TNIK: variants seen among roughly 807,000 people sequenced by gnomAD.
TNIK encodes the protein TRAF2 and NCK interacting kinase.
A neutral mutation model predicts 191.3 loss-of-function variants in TNIK; 49 were observed. The ratio of observed to expected loss-of-function variants is 0.26; its 90% CI spans 0.20 to 0.32. The LOEUF is 0.32. Ranked by LOEUF, TNIK falls within the 10% of genes least tolerant of loss-of-function variation. TNIK has a pLI of 1.00. For missense variants in TNIK, 1,155 were observed against 1,702.3 expected, an observed-to-expected ratio of 0.68 and a Z score of 5.66; for synonymous variants, 594 against 600.9, an observed-to-expected ratio of 0.99 and a Z score of 0.17.
chr3:171,211,310 C>A, intron 3 of TNIK, 69 bp from the exon 4 acceptor site: 1 of 1,506,394 alleles, frequency 6.6e-7, no homozygotes, highest in Non-Finnish European at 8.9e-7. Context: ...TGTTCTTCAA[C>A]ACCATCTAAA....
At chr3:171,390,006 T>A (rs1476672474) in intron 1 of TNIK, among the ~76,000 whole-genome samples, 1 of 152,104 alleles carries the variant, frequency 6.6e-6, no homozygotes, top group Non-Finnish European at 1.5e-5. Flanking sequence ...TGCAAATACA[T>A]CTTGATTGGT....
At position 171,182,998 on chromosome 3, in the gene TNIK, A is replaced by G. The variant is rs141299880; in HGVS notation, c.640-5618T>C. On this transcript the variant is annotated intron_variant, in intron 7 of 32. Transcript: ENST00000436636. ...GCAAAAAGTGCCTAATATACAATGC[A>G]GTACATGCTGCATTGGGTATTCAAC... 8.5e-5 allele frequency among the ~76,000 whole-genome samples: 13 copies of G among 152,360 alleles called. No homozygotes were observed. In the East Asian group the frequency reaches 2.5e-3, roughly 29 times the overall value.
chr3:171,070,176 C>T (rs892314549), intron 29 of TNIK, among the ~76,000 whole-genome samples: 1 of 152,134 alleles, frequency 6.6e-6, no homozygotes, highest in Non-Finnish European at 1.5e-5. Context: ...TAATGCATTC[C>T]AATTTTTTTC....
intron 1 of TNIK, among the ~76,000 whole-genome samples, chr3:171,408,290 C>CA (rs952002504): frequency 5.3e-5 from 8 of 151,474 alleles, no homozygotes; most frequent in African/African-American, 1.9e-4. Context: ...GAAAATTTTG[C>CA]AAAAAAGGAT....
intron 2 of TNIK, among the ~76,000 whole-genome samples, chr3:171,328,325 AG>A (rs1457724028): frequency 6.6e-6 from 1 of 152,210 alleles, no homozygotes; most frequent in Admixed American, 6.5e-5. Flanking sequence ...GTGGCAAGTA[AG>A]GGTTTGTTAT....
intron 1 of TNIK, among the ~76,000 whole-genome samples, chr3:171,424,964 C>T (rs1467730034): frequency 7.8e-6 from 1 of 127,680 alleles, no homozygotes; most frequent in Non-Finnish European, 1.6e-5. Context: ...GCACATGTAC[C>T]CTAAAACTTA....
chr3:171,138,581 T>C (rs1730358820), intron 14 of TNIK, among the ~76,000 whole-genome samples: 1 of 152,154 alleles, frequency 6.6e-6, no homozygotes, highest in African/African-American at 2.4e-5. Flanking sequence ...CAAGAATGTG[T>C]CATTTAATGA....
chr3:171,432,196 C>T (rs1381322051), intron 1 of TNIK, among the ~76,000 whole-genome samples: 1 of 152,090 alleles, frequency 6.6e-6, no homozygotes, highest in East Asian at 1.9e-4. Context: ...GGAGGCAATA[C>T]AGAACACAAT....
At chr3:171,229,137 A>C (rs981250176) in intron 2 of TNIK, among the ~76,000 whole-genome samples, 6 of 152,202 alleles carry the variant, frequency 3.9e-5, no homozygotes, top group Non-Finnish European at 1.5e-5. Context: ...TGAAATAATA[A>C]TAATACCTAA....
chr3:171,175,195 T>G (rs775292553), intron 9 of TNIK, 57 bp downstream of exon 9: 68 of 1,529,000 alleles, frequency 4.4e-5, no homozygotes, highest in Non-Finnish European at 5.8e-5. Flanking sequence ...TAATCCAAAA[T>G]AGAATCACAA....
intron 4 of TNIK, among the ~76,000 whole-genome samples, chr3:171,210,526 A>G (rs972769640): frequency 1.3e-5 from 2 of 152,184 alleles, no homozygotes; most frequent in Non-Finnish European, 2.9e-5. Flanking sequence ...CATGAAAGGA[A>G]AACAACCTTT....
intron 15 of TNIK, among the ~76,000 whole-genome samples, chr3:171,137,978 A>C (rs893372875): frequency 2.0e-4 from 30 of 149,658 alleles, no homozygotes; most frequent in Admixed American, 4.0e-4. Flanking sequence ...CAAAAAAAAA[A>C]AAAAAACAAA....
At chr3:171,297,151 C>A (rs924723680) in intron 2 of TNIK, among the ~76,000 whole-genome samples, 4 of 152,058 alleles carry the variant, frequency 2.6e-5, no homozygotes, top group Non-Finnish European at 5.9e-5. Flanking sequence ...CTCGATAACT[C>A]CCCTTTCCAA....
intron 2 of TNIK, among the ~76,000 whole-genome samples, chr3:171,293,719 T>C (rs1751948079): frequency 6.6e-6 from 1 of 152,210 alleles, no homozygotes; most frequent in East Asian, 1.9e-4. Context: ...ATATTGTTTT[T>C]TATTTGTGAT....
intron 2 of TNIK, among the ~76,000 whole-genome samples, chr3:171,326,148 A>T (rs1192049372): frequency 6.6e-6 from 1 of 152,186 alleles, no homozygotes; most frequent in Non-Finnish European, 1.5e-5. Context: ...CAGAACCTTG[A>T]ATAGAAAAAG....
At chr3:171,128,636 A>T in intron 16 of TNIK, 78 bp downstream of exon 16, 2 of 1,472,926 alleles carry the variant, frequency 1.4e-6, no homozygotes. Context: ...AATCCATGTT[A>T]CAATTCCCTA....
chr3:171,413,994 C>G (rs189533756), intron 1 of TNIK, among the ~76,000 whole-genome samples: 2 of 152,184 alleles, frequency 1.3e-5, no homozygotes, highest in African/African-American at 4.8e-5. Flanking sequence ...ATTTCTCACA[C>G]GTTTTTAATC....
intron 4 of TNIK, among the ~76,000 whole-genome samples, chr3:171,208,553 T>TG (rs1349430510): frequency 9.2e-5 from 7 of 76,188 alleles, no homozygotes; most frequent in East Asian, 1.7e-3. Context: ...CTATTTTATT[T>TG]TTGTGTGTAT....
intron 2 of TNIK, among the ~76,000 whole-genome samples, chr3:171,300,444 G>C (rs894091840): frequency 2.0e-5 from 3 of 152,140 alleles, no homozygotes; most frequent in African/African-American, 4.8e-5. Flanking sequence ...AAAAATGTAT[G>C]CATCTGACAT....
Sources: gnomAD v4.1 joint callset for allele counts (sites outside exome capture counted in the v4.1 genomes callset) on GRCh38, gnomAD v4.1.1 for gene constraint, MANE v1.5 for transcripts, NCBI Gene and HGNC (gene_info 2026-07-23, HGNC 2026-07-21) for gene names.